NRXN3: variants seen among roughly 807,000 people sequenced by gnomAD.
NRXN3 encodes neurexin 3, also known as neurexin III.
NRXN3 carries 32 observed loss-of-function variants against 137.6 expected under a neutral mutation model. The observed-to-expected ratio is 0.23, with a 90% CI of 0.18 to 0.31. The LOEUF is 0.31. Among genes scored for constraint, NRXN3 ranks in the 10% least tolerant of loss-of-function variants. The pLI is 1.00. For missense variants in NRXN3, 1,574 were observed against 2,062.5 expected (o/e 0.76, Z 4.59); for synonymous variants, 798 against 784.5 (o/e 1.02, Z -0.29).
rs750098408 is a variant in NRXN3 at position 78,957,342 on chromosome 14, G to A, written c.2376G>A (p.Val792=). The A allele has an allele frequency of 3.7e-6, 6 of 1,613,882 alleles. No homozygotes were observed. Among genetic ancestry groups the A allele is most frequent in the African/African-American group, 1.3e-5 (1 of 74,888 alleles). Residue 792 remains valine, a synonymous_variant, in exon 11 of 21, where the codon GTG becomes GTA. Transcript: ENST00000335750. ...VRRGKSLKLT[V]DDDVAEGTMV... is the part of the protein sequence containing the mutation. The stretch of plus-strand genomic sequence containing the variant: ...GAGGAAAAAGCCTTAAGTTAACCGT[G>A]GATGATGATGTGGCTGAGGGTGAGT...
At chr14:79,261,168 G>T (rs1458858694) in intron 15 of NRXN3, among the ~76,000 whole-genome samples, 1 of 152,176 alleles carries the variant, frequency 6.6e-6, no homozygotes. Flanking sequence ...AGTGGGAATT[G>T]GGAGACACAG....
In NRXN3 at chr14:78,968,273, C is replaced by A. The variant is rs1567852511; in HGVS notation, c.3069C>A (p.Asp1023Glu). Residue 1023 changes from aspartate (D) to glutamate (E), a missense_variant, in exon 14 of 21, where the codon GAC (aspartate) becomes GAA (glutamate). Coordinates refer to ENST00000335750, the MANE Select transcript of NRXN3 (RefSeq NM_001330195.2). ...TTCAGGGCTGTCTAGCATCAGTGGA[C>A]TTGAATGGACGCCTGCCAGACCTCA... Reference protein sequence around the residue: ...DGFQGCLASVDLNGRLPDLIN... With the variant: ...DGFQGCLASVELNGRLPDLIN... The A allele has an allele frequency of 6.2e-7, 1 of 1,613,980 alleles. No homozygotes were observed. The highest frequency in any genetic ancestry group is 8.5e-7 in the Non-Finnish European group (1 of 1,180,000).
chr14:78,390,963 T>G (rs2090675865), intron 4 of NRXN3, among the ~76,000 whole-genome samples: 1 of 152,026 alleles, frequency 6.6e-6, no homozygotes, highest in Admixed American at 6.5e-5. Flanking sequence ...CCCCAGTGAG[T>G]GTTGTTACCC....
chr14:79,811,581 C>CTTTTTTTTTTTTTTTTTTTTTTTTTTT (rs370942970), intron 20 of NRXN3, among the ~76,000 whole-genome samples: 3 of 116,612 alleles, frequency 2.6e-5, no homozygotes, highest in African/African-American at 9.7e-5. Flanking sequence ...TTTCTTTTTT[C>CTTTTTTTTTTTTTTTTTTTTTTTTTTT]TTTTTTTTTT....
At chr14:79,274,194 C>T (rs1201168086) in intron 15 of NRXN3, among the ~76,000 whole-genome samples, 1 of 151,696 alleles carries the variant, frequency 6.6e-6, no homozygotes, top group Admixed American at 6.6e-5. Flanking sequence ...CCGTGGAGCA[C>T]CAGAGCCCAT....
rs2099417612 is a variant in NRXN3, at chr14:79,865,211, T to C, written c.*3247T>C. On this transcript the variant is annotated 3_prime_UTR_variant, in exon 21 of 21. Transcript: ENST00000335750. ...CCTCCCACCATATTAAAATTTAAAA[T>C]TAAAAAACAGAATCCAAAACCAAAA... The C allele has an allele frequency of 6.6e-6, 1 of 152,192 alleles. No individual in the cohort carries two copies. The highest frequency in any genetic ancestry group is 1.5e-5 in the Non-Finnish European group (1 of 68,038). The allele number at this position is 152,192 out of a possible 1,614,324, so 9.4% of individuals were successfully genotyped here. A position where few individuals can be genotyped will look rare whatever the true frequency, so the allele number is the denominator to read the frequency against.
At chr14:79,364,918 C>T (rs2093823685) in intron 15 of NRXN3, among the ~76,000 whole-genome samples, 1 of 152,102 alleles carries the variant, frequency 6.6e-6, no homozygotes, top group South Asian at 2.1e-4. Context: ...CAAAAATCCC[C>T]AAAACCAGCA....
At chr14:79,416,024 A>G (rs1226837359) in intron 15 of NRXN3, among the ~76,000 whole-genome samples, 4 of 152,132 alleles carry the variant, frequency 2.6e-5, no homozygotes, top group African/African-American at 4.8e-5. Flanking sequence ...AGGAGGCAGC[A>G]TATCAGAATC....
intron 15 of NRXN3, among the ~76,000 whole-genome samples, chr14:79,454,477 A>G (rs1354109247): frequency 1.3e-5 from 2 of 152,168 alleles, no homozygotes; most frequent in Non-Finnish European, 2.9e-5. Context: ...TGGCCTCCCA[A>G]AGTGCTGGGA....
intron 10 of NRXN3, among the ~76,000 whole-genome samples, chr14:78,865,998 C>T (rs1003240605): frequency 6.6e-6 from 1 of 152,048 alleles, no homozygotes; most frequent in Non-Finnish European, 1.5e-5. Flanking sequence ...AGAAAAAAGC[C>T]AAATGGTGAC....
intron 15 of NRXN3, among the ~76,000 whole-genome samples, chr14:79,277,800 G>A (rs976906414): frequency 6.6e-6 from 1 of 152,180 alleles, no homozygotes; most frequent in Non-Finnish European, 1.5e-5. Flanking sequence ...ATTTCCTGGG[G>A]GGCTGTGGAT....
intron 19 of NRXN3, among the ~76,000 whole-genome samples, chr14:79,780,478 G>A (rs2099110259): frequency 6.6e-6 from 1 of 151,752 alleles, no homozygotes; most frequent in Non-Finnish European, 1.5e-5. Context: ...GCGTGGTGGT[G>A]GGTGCCTGTA....
chr14:78,349,555 T>C (rs955115259), intron 4 of NRXN3, among the ~76,000 whole-genome samples: 1 of 152,240 alleles, frequency 6.6e-6, no homozygotes, highest in Non-Finnish European at 1.5e-5. Context: ...AGGATAAATC[T>C]GGATTGTGTG....
chr14:78,224,844 G>A (rs1467461645), intron 1 of NRXN3, among the ~76,000 whole-genome samples: 1 of 127,556 alleles, frequency 7.8e-6, no homozygotes, highest in Non-Finnish European at 1.6e-5. Flanking sequence ...TCGGCTCACT[G>A]CAAGCTCCGC....
chr14:79,798,814 C>G (rs891504330), intron 19 of NRXN3, among the ~76,000 whole-genome samples: 7 of 152,164 alleles, frequency 4.6e-5, no homozygotes, highest in Non-Finnish European at 7.3e-5. Flanking sequence ...GCAGTAGACA[C>G]TTTTCTCATG....
chr14:79,637,201 T>C (rs2098408411), intron 16 of NRXN3, among the ~76,000 whole-genome samples: 1 of 152,226 alleles, frequency 6.6e-6, no homozygotes, highest in Non-Finnish European at 1.5e-5. Flanking sequence ...AATGTTTACT[T>C]CATAGATTGA....
In NRXN3 at chr14:79,278,790, C is replaced by G. The variant is rs1190969941; in HGVS notation, c.3263-188431C>G. On this transcript the variant is annotated intron_variant, in intron 15 of 20. Transcript: ENST00000335750. ...CGCTCCACCTTCACTTTTGGGAGTC[C>G]GGACTCAGATTCCCATCATTCGCCC... Among the ~76,000 whole-genome samples, 3 of 152,168 alleles carry G rather than the reference C, an allele frequency of 2.0e-5. No individual in the cohort carries two copies. In the East Asian group the frequency reaches 5.8e-4, roughly 29 times the overall value.
chr14:78,533,598 C>T (rs1224528411), intron 4 of NRXN3, among the ~76,000 whole-genome samples: 3 of 152,196 alleles, frequency 2.0e-5, no homozygotes, highest in Non-Finnish European at 2.9e-5. Context: ...CTAGTGGTTC[C>T]CTGTATTTGA....
At chr14:78,711,837 A>C (rs2098410735) in intron 7 of NRXN3, among the ~76,000 whole-genome samples, 1 of 152,196 alleles carries the variant, frequency 6.6e-6, no homozygotes, top group South Asian at 2.1e-4. Flanking sequence ...TATAATCTAA[A>C]ATTTTAATAC....
Sources: gnomAD v4.1 joint callset for allele counts (sites outside exome capture counted in the v4.1 genomes callset) on GRCh38, gnomAD v4.1.1 for gene constraint, MANE v1.5 for transcripts, NCBI Gene and HGNC (gene_info 2026-07-23, HGNC 2026-07-21) for gene names.